Variants in LIMS1 observed in about 807,000 individuals in gnomAD.
LIMS1 encodes the protein LIM and senescent cell antigen-like-containing domain protein 1.
Under a neutral mutation model 44.1 loss-of-function variants are expected in LIMS1, and 18 were observed. The observed-to-expected ratio is 0.41, with a 90% confidence interval of 0.28 to 0.61. The LOEUF is 0.61. Among genes scored for constraint, LIMS1 ranks in the 20% least tolerant of loss-of-function variants. The pLI is 0.32. For synonymous variants in LIMS1, 93 were observed against 149.1 expected (o/e 0.62, Z 2.74); for missense variants, 201 against 422.0 (o/e 0.48, Z 4.59).
intron 1 of LIMS1, among the ~76,000 whole-genome samples, chr2:108,621,665 A>G (rs1688249232): frequency 6.6e-6 from 1 of 152,216 alleles, no homozygotes; most frequent in African/African-American, 2.4e-5. Context: ...TTTCTTCACA[A>G]ATCCTTTAAG....
chr2:108,607,730 A>G (rs551676267), intron 1 of LIMS1, among the ~76,000 whole-genome samples: 4 of 152,310 alleles, frequency 2.6e-5, no homozygotes, highest in South Asian at 2.1e-4. Context: ...GGCTCCTAGC[A>G]TAATGTTTTA....
At chr2:108,570,452 T>G (rs1001157326) in intron 1 of LIMS1, among the ~76,000 whole-genome samples, 26 of 152,024 alleles carry the variant, frequency 1.7e-4, no homozygotes, top group Admixed American at 1.1e-3. Flanking sequence ...TAATACTATA[T>G]TCTCTTTGGC....
intron 5 of LIMS1, among the ~76,000 whole-genome samples, chr2:108,675,578 A>T (rs1297499958): frequency 6.6e-6 from 1 of 152,182 alleles, no homozygotes; most frequent in Admixed American, 6.5e-5. Context: ...GAGGAAGACA[A>T]ATGGACTAAA....
intron 1 of LIMS1, among the ~76,000 whole-genome samples, chr2:108,652,732 T>C (rs1437978726): frequency 1.3e-5 from 2 of 152,170 alleles, no homozygotes; most frequent in African/African-American, 2.4e-5. Flanking sequence ...ATGTGAGCAC[T>C]GGGGAGACTG....
In LIMS1 at chr2:108,547,150, G is replaced by A. The variant is rs561266917; in HGVS notation, c.32+12556G>A. On this transcript the variant is annotated intron_variant, in intron 1 of 9. Transcript: ENST00000544547. The stretch of plus-strand genomic sequence containing the variant: ...AGACTTTGACTTCAACACAAAACTG[G>A]TGTGCTTCCACACTTACTGATAGTG... 2.0e-5 allele frequency among the ~76,000 whole-genome samples: 3 copies of A among 152,334 alleles called. No homozygotes were observed. The South Asian group carries it at 6.2e-4, about 32-fold the overall frequency.
intron 9 of LIMS1, among the ~76,000 whole-genome samples, chr2:108,683,002 GT>G (rs2149027391): frequency 6.6e-6 from 1 of 152,302 alleles, no homozygotes; most frequent in African/African-American, 2.4e-5. Context: ...TATCTGAAAA[GT>G]TGTCTTCTCC....
intron 1 of LIMS1, among the ~76,000 whole-genome samples, chr2:108,612,297 G>T (rs189237356): frequency 7.2e-5 from 11 of 152,154 alleles, no homozygotes; most frequent in African/African-American, 2.6e-4. Flanking sequence ...TTTGTGGTAT[G>T]AAGTGTTCTC....
At chr2:108,551,341 T>G (rs1012313454) in intron 1 of LIMS1, among the ~76,000 whole-genome samples, 1 of 147,190 alleles carries the variant, frequency 6.8e-6, no homozygotes, top group African/African-American at 2.5e-5. Flanking sequence ...ATTTATAATA[T>G]AAATATATAA....
chr2:108,667,532 CT>C (rs1205192856), intron 2 of LIMS1, among the ~76,000 whole-genome samples: 2,531 of 43,456 alleles, frequency 0.058, 35 homozygotes, highest in African/African-American at 0.086. Context: ...TATTTTCAAC[CT>C]TTTTTAAAAA....
chr2:108,552,246 A>G, intron 1 of LIMS1, among the ~76,000 whole-genome samples: 1 of 141,198 alleles, frequency 7.1e-6, no homozygotes, highest in East Asian at 2.0e-4. Flanking sequence ...TATACTATAT[A>G]TACTATATAT....
At chr2:108,627,404 T>G (rs942973116) in intron 1 of LIMS1, among the ~76,000 whole-genome samples, 9 of 142,872 alleles carry the variant, frequency 6.3e-5, no homozygotes, top group African/African-American at 2.3e-4. Context: ...TTTCTGGTTT[T>G]TTTTTTTTTT....
intron 1 of LIMS1, among the ~76,000 whole-genome samples, chr2:108,611,235 TA>T (rs1687581789): frequency 6.6e-6 from 1 of 152,218 alleles, no homozygotes; most frequent in African/African-American, 2.4e-5. Context: ...GGAATAATAA[TA>T]GTACTGTTTC....
intron 1 of LIMS1, among the ~76,000 whole-genome samples, chr2:108,609,220 A>G (rs1558807438): frequency 6.6e-6 from 1 of 152,052 alleles, no homozygotes; most frequent in African/African-American, 2.4e-5. Flanking sequence ...TGTGTGTGCT[A>G]ATCTTGTTTG....
chr2:108,628,300 T>C (rs1056248494), intron 1 of LIMS1, among the ~76,000 whole-genome samples: 1 of 152,262 alleles, frequency 6.6e-6, no homozygotes, highest in Admixed American at 6.5e-5. Context: ...TTTTCAGTTT[T>C]TCCTTTGTCT....
intron 1 of LIMS1, among the ~76,000 whole-genome samples, chr2:108,632,153 G>A (rs1688969150): frequency 6.6e-6 from 1 of 152,064 alleles, no homozygotes; most frequent in African/African-American, 2.4e-5. Context: ...TGCATTTTTA[G>A]TAGTGACGAG....
intron 1 of LIMS1, among the ~76,000 whole-genome samples, chr2:108,578,236 T>C (rs1222541643): frequency 1.3e-5 from 2 of 152,222 alleles, no homozygotes; most frequent in Non-Finnish European, 2.9e-5. Flanking sequence ...TAGAGAGGTA[T>C]ACAATAAAAT....
Position 108,612,045 on chromosome 2 carries a change from CACACACACAT to C in LIMS1, c.33-47558_33-47549del, listed in dbSNP as rs1165084027. Among the ~76,000 whole-genome samples, 273 of 89,890 alleles carry C rather than the reference CACACACACAT, an allele frequency of 3.0e-3. 4 individuals carry two copies. The highest frequency in any genetic ancestry group is 0.018 in the South Asian group (49 of 2,716). The allele number at this position is 89,890 out of a possible 152,430, so 59.0% of individuals were successfully genotyped here. Reference sequence around the variant, plus strand: ...ACACACATATACACACACACACACACACACACACATATATATATATATATACATATATATA... The same window carrying C: ...ACACACATATACACACACACACACACATATATATATATATACATATATATA... On this transcript the variant is annotated intron_variant, in intron 1 of 9. Transcript: ENST00000544547.
intron 1 of LIMS1, among the ~76,000 whole-genome samples, chr2:108,539,444 A>T (rs1243909831): frequency 6.6e-6 from 1 of 152,142 alleles, no homozygotes; most frequent in Non-Finnish European, 1.5e-5. Context: ...GTTTGGGTCC[A>T]TGTTCTAGTC....
chr2:108,555,016 C>T (rs1684876787), intron 1 of LIMS1, among the ~76,000 whole-genome samples: 2 of 152,178 alleles, frequency 1.3e-5, no homozygotes, highest in South Asian at 4.1e-4. Context: ...TGCCTATCAG[C>T]ATCCATTTCC....
Sources: allele counts gnomAD v4.1 joint callset (sites outside exome capture counted in the v4.1 genomes callset), GRCh38; gene constraint gnomAD v4.1.1; transcripts MANE v1.5; gene names NCBI Gene and HGNC (gene_info 2026-07-23, HGNC 2026-07-21).